Variants in PTPN14 observed in about 807,000 individuals in gnomAD.
PTPN14 encodes the protein protein tyrosine phosphatase non-receptor type 14, also known as tyrosine-protein phosphatase non-receptor type 14.
A neutral mutation model predicts 126.8 loss-of-function variants in PTPN14; 53 were observed. That is an observed-to-expected ratio of 0.42 (90% CI 0.34 to 0.53). The LOEUF (loss-of-function observed/expected upper bound fraction) is 0.53. Ranked by LOEUF, PTPN14 falls within the 20% of genes least tolerant of loss-of-function variation. The pLI is 0.08. For missense variants in PTPN14, 1,257 were observed against 1,552.9 expected, an observed-to-expected ratio of 0.81 and a Z score of 3.20; for synonymous variants, 630 against 599.3, an observed-to-expected ratio of 1.05 and a Z score of -0.75.
intron 11 of PTPN14, among the ~76,000 whole-genome samples, chr1:214,388,144 T>C (rs970289995): frequency 3.3e-5 from 5 of 152,166 alleles, no homozygotes; most frequent in Non-Finnish European, 7.3e-5. Context: ...GGATTAAATA[T>C]TTGGTGAACC....
chr1:214,491,193 T>C (rs1351482622), intron 1 of PTPN14, among the ~76,000 whole-genome samples: 4 of 152,124 alleles, frequency 2.6e-5, no homozygotes, highest in African/African-American at 9.7e-5. Context: ...ATGATAGTAA[T>C]GATGTAGGAC....
intron 1 of PTPN14, among the ~76,000 whole-genome samples, chr1:214,534,169 G>A (rs1655636195): frequency 6.6e-6 from 1 of 152,162 alleles, no homozygotes; most frequent in Non-Finnish European, 1.5e-5. Flanking sequence ...AAAGATTGAT[G>A]ATGCTGCTAT....
At chr1:214,411,081 G>A (rs76945509) in intron 5 of PTPN14, among the ~76,000 whole-genome samples, 2,606 of 152,096 alleles carry the variant, frequency 0.017, 80 homozygotes, top group African/African-American at 0.059. Flanking sequence ...CACGAAGATG[G>A]GGTATCTTTC....
chr1:214,407,932 C>T (rs1659208410), intron 5 of PTPN14, among the ~76,000 whole-genome samples: 1 of 152,186 alleles, frequency 6.6e-6, no homozygotes, highest in Admixed American at 6.5e-5. Flanking sequence ...CAACTCTCCA[C>T]CCGTAGCTAC....
In PTPN14 at chr1:214,377,161, G is replaced by A. The variant is rs115040070; in HGVS notation, c.2689-724C>T. ...AATCAGCCTCATTTTATGGTCATAC[G>A]AGGGGACAGCATTTTTAAAGAACTC... On this transcript the variant is annotated intron_variant, in intron 14 of 18. Transcript: ENST00000366956. 7.4e-3 allele frequency among the ~76,000 whole-genome samples: 1,134 copies of A among 152,288 alleles called. 10 individuals are homozygous for A. Among genetic ancestry groups the A allele is most frequent in the African/African-American group, 0.026 (1,087 of 41,548 alleles).
At chr1:214,406,232 CT>C (rs1008203999) in intron 5 of PTPN14, among the ~76,000 whole-genome samples, 1 of 152,110 alleles carries the variant, frequency 6.6e-6, no homozygotes, top group African/African-American at 2.4e-5. Flanking sequence ...AATACCGGCA[CT>C]TTGGGAGGCC....
At chr1:214,401,614 T>C in intron 7 of PTPN14, 71 bp downstream of exon 7, 1 of 1,338,640 alleles carries the variant, frequency 7.5e-7, no homozygotes, top group East Asian at 2.5e-5. Flanking sequence ...CCCACTGCTA[T>C]CAACAATGGT....
Position 214,384,542 on chromosome 1 carries a change from G to A in PTPN14, c.1313C>T (p.Ser438Leu), listed in dbSNP as rs1341661220. Residue 438 changes from serine to leucine, a missense_variant, in exon 13 of 19, where the codon TCG becomes TTG. Ser to Leu is a moderately radical substitution (Grantham distance 145). This residue lies in a region of PTPN14 where 1,021 missense variants were observed against 1,183.3 expected (regional missense o/e 0.86). Transcript: ENST00000366956. This position sits in a 1 kb window ranked among gnomAD's most constrained non-coding sequence, Gnocchi z 5.3. ...SHRHSAIIVP[S>L]YRPTPDYETV... The stretch of plus-strand genomic sequence containing the variant: ...CTCATAATCGGGGGTTGGCCTGTAC[G>A]AGGGCACGATGATCGCGCTGTGCCG... 3.7e-6 allele frequency: 6 copies of A among 1,613,946 alleles called. No homozygotes were observed. The highest frequency in any genetic ancestry group is 1.3e-5 in the African/African-American group (1 of 74,870).
intron 1 of PTPN14, among the ~76,000 whole-genome samples, chr1:214,524,238 T>C (rs1655333731): frequency 6.6e-6 from 1 of 152,142 alleles, no homozygotes; most frequent in Non-Finnish European, 1.5e-5. Context: ...CATCGTTCTA[T>C]AGAACGATTT....
At chr1:214,440,313 T>C (rs919965609) in intron 3 of PTPN14, among the ~76,000 whole-genome samples, 1 of 152,220 alleles carries the variant, frequency 6.6e-6, no homozygotes, top group Non-Finnish European at 1.5e-5. Context: ...TCTGTCTTGA[T>C]ATAAGGCAAA....
chr1:214,426,081 T>C (rs1165688364), intron 3 of PTPN14, among the ~76,000 whole-genome samples: 1 of 108,820 alleles, frequency 9.2e-6, no homozygotes, highest in African/African-American at 3.5e-5. Flanking sequence ...AGAAAAAAAC[T>C]ACAGAAGGCT....
chr1:214,411,786 T>C (rs944258369), intron 4 of PTPN14, 35 bp from the exon 5 acceptor site: 1 of 1,354,648 alleles, frequency 7.4e-7, no homozygotes, highest in African/African-American at 1.5e-5. Flanking sequence ...GCAGTATTTA[T>C]TATATGAAAT....
intron 1 of PTPN14, among the ~76,000 whole-genome samples, chr1:214,519,773 G>A (rs1442816821): frequency 6.6e-6 from 1 of 151,952 alleles, no homozygotes; most frequent in Non-Finnish European, 1.5e-5. Flanking sequence ...AAGCAGGCTG[G>A]GTGTCGTGGC....
chr1:214,501,433 G>A (rs1654695937), intron 1 of PTPN14, among the ~76,000 whole-genome samples: 1 of 151,952 alleles, frequency 6.6e-6, no homozygotes, highest in South Asian at 2.1e-4. Flanking sequence ...GTAGAGACGG[G>A]GCTTCGTGAT....
chr1:214,519,370 G>A (rs1655186715), intron 1 of PTPN14, among the ~76,000 whole-genome samples: 1 of 152,122 alleles, frequency 6.6e-6, no homozygotes, highest in Admixed American at 6.6e-5. Flanking sequence ...TGATCTGATT[G>A]AGTCTGTTCC....
rs1658306989 is a variant in PTPN14, at chr1:214,374,960, G to A, written c.2907+1259C>T. ...CATCTTTGTTGGAATACATTACTTT[G>A]GTCATTGTTTCATAATGTAAACTAA... On this transcript the variant is annotated intron_variant, in intron 15 of 18. Coordinates refer to ENST00000366956, the MANE Select transcript of PTPN14 (RefSeq NM_005401.5). 2.0e-5 allele frequency among the ~76,000 whole-genome samples: 3 copies of A among 152,184 alleles called. No homozygotes were observed. In the South Asian group the frequency reaches 6.2e-4, roughly 32 times the overall value.
In PTPN14 at chr1:214,394,878, CTGTT is replaced by C. The variant is rs1383158379; in HGVS notation, c.846+17_846+20del. On this transcript the variant is annotated intron_variant, in intron 9 of 18. Transcript: ENST00000366956. ...AAGCCAGTGTCTTGTCAGACCCTGA[CTGTT>C]TGTCTGTTGTGCTTACCGTGTGAAA... is the stretch of plus-strand genomic sequence containing the variant. The C allele has an allele frequency of 5.0e-6, 8 of 1,594,390 alleles. No homozygotes were observed. Among genetic ancestry groups the C allele is most frequent in the Admixed American group, 3.3e-5 (2 of 59,940 alleles).
intron 1 of PTPN14, among the ~76,000 whole-genome samples, chr1:214,527,248 G>A (rs75647272): frequency 0.017 from 2,581 of 152,308 alleles, 58 homozygotes; most frequent in African/African-American, 0.056. Flanking sequence ...TTCTGTCTGC[G>A]TGCAGGCAGA....
At chr1:214,453,340 G>C (rs1002893918) in intron 2 of PTPN14, among the ~76,000 whole-genome samples, 1 of 152,188 alleles carries the variant, frequency 6.6e-6, no homozygotes, top group African/African-American at 2.4e-5. Context: ...TGACATAGAG[G>C]AAATGAAATG....
Sources: allele counts gnomAD v4.1 joint callset (sites outside exome capture counted in the v4.1 genomes callset), GRCh38; gene constraint gnomAD v4.1.1; regional missense constraint gnomAD v4.1.1; non-coding constraint Gnocchi (gnomAD v3.1); transcripts MANE v1.5; gene names NCBI Gene and HGNC (gene_info 2026-07-23, HGNC 2026-07-21).